Variants in VPS8 observed in about 807,000 individuals in gnomAD.
The protein encoded by VPS8 is VPS8 subunit of CORVET complex.
A neutral mutation model predicts 216.4 loss-of-function variants in VPS8; 129 were observed. That is an observed-to-expected ratio of 0.60 (90% CI 0.52 to 0.69). The LOEUF is 0.69. Among genes scored for constraint, VPS8 ranks in the 30% least tolerant of loss-of-function variants. The probability of loss-of-function intolerance (pLI) is 0.00; values close to 1 mark genes in which losing one functional copy is unlikely to be tolerated. For missense variants in VPS8, 1,531 were observed against 1,683.5 expected, an observed-to-expected ratio of 0.91 and a Z score of 1.59; for synonymous variants, 571 against 565.4, an observed-to-expected ratio of 1.01 and a Z score of -0.14.
intron 12 of VPS8, 26 bp downstream of exon 12, chr3:184,854,036 C>G: frequency 1.2e-6 from 2 of 1,612,820 alleles, no homozygotes; most frequent in South Asian, 1.1e-5. Context: ...AGTTAAAACT[C>G]AGAACTTTTA....
At chr3:184,966,090 A>G (rs1190440857) in intron 38 of VPS8, among the ~76,000 whole-genome samples, 1 of 152,204 alleles carries the variant, frequency 6.6e-6, no homozygotes, top group Admixed American at 6.5e-5. Context: ...CTGTGTTAGC[A>G]TCTAGCATCT....
chr3:184,939,667 T>G (rs1742306134), intron 35 of VPS8, among the ~76,000 whole-genome samples: 1 of 152,120 alleles, frequency 6.6e-6, no homozygotes, highest in South Asian at 2.1e-4. Context: ...TTTTATGGCA[T>G]GTTGATTGCT....
chr3:184,967,574 A>G (rs1275022563), intron 39 of VPS8, among the ~76,000 whole-genome samples: 2 of 152,158 alleles, frequency 1.3e-5, no homozygotes, highest in Non-Finnish European at 2.9e-5. Flanking sequence ...ATGGTGGCTC[A>G]CACCTGTAAT....
intron 39 of VPS8, among the ~76,000 whole-genome samples, chr3:184,968,823 A>C (rs1156317913): frequency 3.9e-5 from 6 of 152,174 alleles, no homozygotes; most frequent in Non-Finnish European, 7.3e-5. Flanking sequence ...CGTTTCTTAG[A>C]GACTCCTTGG....
chr3:184,824,786 G>C lies in VPS8; in HGVS notation c.153+1G>C. The C allele has an allele frequency of 6.2e-7, 1 of 1,603,402 alleles. No homozygotes were observed. The highest frequency in any genetic ancestry group is 8.5e-7 in the Non-Finnish European group (1 of 1,174,276). On this transcript the variant is annotated splice_donor_variant, in intron 2 of 47. Coordinates refer to ENST00000625842, the MANE Select transcript of VPS8 (RefSeq NM_001009921.3). LOFTEE classifies it high-confidence loss of function. ...GGAACTGGAGTTCAAAAATGATCTG[G>C]TAAAAATTTCAATTTCTGTCAAGTG...
chr3:184,940,270 T>TTATGTA (rs1742426881), intron 36 of VPS8, 27 bp downstream of exon 36: 1 of 578,732 alleles, frequency 1.7e-6, no homozygotes, highest in South Asian at 3.5e-5. Flanking sequence ...TAGTCTTTCA[T>TTATGTA]TATATATATA....
intron 45 of VPS8, among the ~76,000 whole-genome samples, chr3:185,019,705 G>A (rs879646545): frequency 3.3e-5 from 5 of 152,184 alleles, no homozygotes; most frequent in Admixed American, 6.5e-5. Context: ...CTTCCAGCGT[G>A]GGCGTCATGG....
intron 8 of VPS8, among the ~76,000 whole-genome samples, chr3:184,845,375 T>G (rs1157209245): frequency 6.6e-6 from 1 of 152,226 alleles, no homozygotes; most frequent in Non-Finnish European, 1.5e-5. Context: ...AAGACTGCTT[T>G]CTTCTTTCCA....
At chr3:184,900,815 A>G (rs1414135467) in intron 24 of VPS8, 106 bp from the exon 25 acceptor site, 7 of 936,016 alleles carry the variant, frequency 7.5e-6, no homozygotes, top group East Asian at 5.1e-5. Flanking sequence ...TTAATGGTAA[A>G]TGACTAATTC....
chr3:184,888,424 G>A (rs1731712864), intron 22 of VPS8, among the ~76,000 whole-genome samples: 2 of 152,310 alleles, frequency 1.3e-5, no homozygotes, highest in South Asian at 4.1e-4. Context: ...CAGTGATTGT[G>A]TAGTTAATCA....
chr3:184,849,327 C>T, intron 9 of VPS8, 132 bp downstream of exon 9: 2 of 1,100,082 alleles, frequency 1.8e-6, no homozygotes, highest in Non-Finnish European at 2.5e-6. Context: ...CCAGAGATTG[C>T]TGAATCTGAG....
chr3:184,957,944 G>T (rs1380168932), intron 37 of VPS8, among the ~76,000 whole-genome samples: 1 of 152,174 alleles, frequency 6.6e-6, no homozygotes, highest in Non-Finnish European at 1.5e-5. Flanking sequence ...ATAAGCAAGT[G>T]CTATCTCCAG....
intron 7 of VPS8, among the ~76,000 whole-genome samples, chr3:184,841,517 C>A (rs527688222): frequency 6.6e-6 from 1 of 152,228 alleles, no homozygotes; most frequent in South Asian, 2.1e-4. Context: ...CTGTGATGAA[C>A]ATCTTCGTTA....
At chr3:185,050,782 A>G (rs1451853743) in intron 47 of VPS8, among the ~76,000 whole-genome samples, 1 of 152,128 alleles carries the variant, frequency 6.6e-6, no homozygotes, top group Non-Finnish European at 1.5e-5. Context: ...GAGGAGTCTG[A>G]TGGCCCCCTC....
intron 4 of VPS8, among the ~76,000 whole-genome samples, chr3:184,833,076 A>G (rs542565886): frequency 6.6e-6 from 1 of 152,270 alleles, no homozygotes; most frequent in African/African-American, 2.4e-5. Flanking sequence ...CCTTGGAGGA[A>G]GCACAGATTA....
At chr3:184,997,981 A>G (rs1264728082) in intron 44 of VPS8, among the ~76,000 whole-genome samples, 2 of 152,180 alleles carry the variant, frequency 1.3e-5, no homozygotes, top group Non-Finnish European at 2.9e-5. Flanking sequence ...TACACCAGGC[A>G]GAGGAGCCAA....
chr3:185,014,472 C>T (rs1018722431), intron 45 of VPS8, among the ~76,000 whole-genome samples: 7 of 152,112 alleles, frequency 4.6e-5, no homozygotes, highest in Admixed American at 1.3e-4. Flanking sequence ...CCTGGAGAAA[C>T]GCAAGCATAA....
chr3:185,015,879 G>A (rs1223723306), intron 45 of VPS8, among the ~76,000 whole-genome samples: 2 of 152,218 alleles, frequency 1.3e-5, no homozygotes, highest in African/African-American at 4.8e-5. Flanking sequence ...GAATTAGTAT[G>A]TGGAAGAAAA....
At chr3:184,879,644 C>T (rs1302035284) in intron 21 of VPS8, among the ~76,000 whole-genome samples, 1 of 152,130 alleles carries the variant, frequency 6.6e-6, no homozygotes, top group Non-Finnish European at 1.5e-5. Context: ...GGGATATTAT[C>T]TGAGCTTGGG....
Sources: allele counts gnomAD v4.1 joint callset (sites outside exome capture counted in the v4.1 genomes callset), GRCh38; gene constraint gnomAD v4.1.1; transcripts MANE v1.5; gene names NCBI Gene and HGNC (gene_info 2026-07-23, HGNC 2026-07-21).